The following GBE1 variants were observed in gnomAD, a reference collection of about 807,000 sequenced individuals.
GBE1 encodes the protein 1,4-alpha-glucan branching enzyme 1, also known as 1,4-alpha-glucan-branching enzyme.
In GBE1, 70 loss-of-function variants were observed where a neutral mutation model predicts 88.8. The observed-to-expected ratio is 0.79, with a 90% CI of 0.65 to 0.96. The LOEUF is 0.96. GBE1 is among the 40% of genes least tolerant of loss of function. The probability of loss-of-function intolerance (pLI) is 0.00; values close to 1 mark genes in which losing one functional copy is unlikely to be tolerated. For synonymous variants in GBE1, 284 were observed against 300.1 expected (o/e 0.95, Z 0.56); for missense variants, 872 against 871.0 (o/e 1.00, Z -0.01).
At chr3:81,592,338 T>C (rs1262492347) in intron 8 of GBE1, among the ~76,000 whole-genome samples, 1 of 152,156 alleles carries the variant, frequency 6.6e-6, no homozygotes, top group Admixed American at 6.6e-5. Flanking sequence ...CTAGCAAATG[T>C]TTGAGTCACA....
chr3:81,740,703 T>A (rs1273233620), intron 1 of GBE1, among the ~76,000 whole-genome samples: 6 of 151,838 alleles, frequency 4.0e-5, no homozygotes, highest in Non-Finnish European at 7.4e-5. Context: ...GATCACCTGT[T>A]TAGTGGCTGA....
At chr3:81,613,467 G>A (rs1704208656) in intron 7 of GBE1, among the ~76,000 whole-genome samples, 1 of 151,918 alleles carries the variant, frequency 6.6e-6, no homozygotes, top group Non-Finnish European at 1.5e-5. Flanking sequence ...TGGGATCAGA[G>A]AGCACACTGT....
chr3:81,507,672 GTGTGTATATATATA>G (rs1449810538), intron 14 of GBE1, among the ~76,000 whole-genome samples: 2 of 146,332 alleles, frequency 1.4e-5, no homozygotes, highest in African/African-American at 2.5e-5. Flanking sequence ...ATATATGTGT[GTGTGTATATATATA>G]TGTGTATATA....
At chr3:81,526,614 T>C (rs1348858713) in intron 14 of GBE1, among the ~76,000 whole-genome samples, 5 of 152,010 alleles carry the variant, frequency 3.3e-5, no homozygotes, top group Non-Finnish European at 7.4e-5. Context: ...TGAACTCCCA[T>C]TCACAATTGC....
At chr3:81,692,414 G>A (rs1705534298) in intron 2 of GBE1, among the ~76,000 whole-genome samples, 1 of 152,012 alleles carries the variant, frequency 6.6e-6, no homozygotes, top group Non-Finnish European at 1.5e-5. Context: ...AATGTCCATT[G>A]GGCAGTATTA....
chr3:81,632,458 G>T (rs1458636748), intron 7 of GBE1, among the ~76,000 whole-genome samples: 2 of 152,126 alleles, frequency 1.3e-5, no homozygotes, highest in Non-Finnish European at 2.9e-5. Flanking sequence ...TGAAAAAAAA[G>T]CTCATCATCA....
intron 1 of GBE1, among the ~76,000 whole-genome samples, chr3:81,751,451 T>C (rs1280320850): frequency 6.6e-6 from 1 of 152,182 alleles, no homozygotes; most frequent in East Asian, 1.9e-4. Flanking sequence ...AGGATGACCA[T>C]GGGACAATTC....
chr3:81,746,389 A>G (rs1157487956), intron 1 of GBE1, among the ~76,000 whole-genome samples: 1 of 152,086 alleles, frequency 6.6e-6, no homozygotes, highest in African/African-American at 2.4e-5. Flanking sequence ...CAGCCTCCCA[A>G]GTAGCTAGGA....
At chr3:81,584,573 G>T (rs533588718) in intron 10 of GBE1, among the ~76,000 whole-genome samples, 6 of 152,078 alleles carry the variant, frequency 3.9e-5, no homozygotes, top group East Asian at 1.9e-4. Flanking sequence ...TAAAATAGAA[G>T]ATGATAACTG....
chr3:81,757,462 G>C (rs928316449), intron 1 of GBE1, among the ~76,000 whole-genome samples: 2 of 152,072 alleles, frequency 1.3e-5, no homozygotes, highest in African/African-American at 4.8e-5. Context: ...GTGAAGATTT[G>C]AAAAAAGAAC....
At chr3:81,498,287 C>T (rs1010337409) in intron 15 of GBE1, among the ~76,000 whole-genome samples, 15 of 152,080 alleles carry the variant, frequency 9.9e-5, no homozygotes, top group African/African-American at 3.6e-4. Flanking sequence ...CCACAGAGAT[C>T]CTCATGCCTG....
At chr3:81,629,018 G>GTTTTTTTT (rs34707682) in intron 7 of GBE1, among the ~76,000 whole-genome samples, 82 of 97,964 alleles carry the variant, frequency 8.4e-4, no homozygotes, top group African/African-American at 2.8e-3. Flanking sequence ...TTATGTTTAA[G>GTTTTTTTT]TTTTTTTTTT....
At chr3:81,652,667 A>G (rs1704867336) in intron 3 of GBE1, among the ~76,000 whole-genome samples, 1 of 152,186 alleles carries the variant, frequency 6.6e-6, no homozygotes, top group African/African-American at 2.4e-5. Context: ...TTGTTATAGT[A>G]ACTTAGGTTT....
At chr3:81,535,143 TA>T in intron 14 of GBE1, 51 bp downstream of exon 14, 1 of 1,451,946 alleles carries the variant, frequency 6.9e-7, no homozygotes, top group Non-Finnish European at 9.3e-7. Flanking sequence ...TCCTATAATG[TA>T]ATAAAGAAGT....
At chr3:81,727,484 T>C (rs1347786130) in intron 1 of GBE1, among the ~76,000 whole-genome samples, 18 of 152,198 alleles carry the variant, frequency 1.2e-4, no homozygotes, top group Admixed American at 1.0e-3. Flanking sequence ...TGAATTGTTA[T>C]AGATTTTGGA....
intron 2 of GBE1, among the ~76,000 whole-genome samples, chr3:81,703,958 G>A (rs556624305): frequency 1.3e-5 from 2 of 151,892 alleles, no homozygotes; most frequent in Non-Finnish European, 2.9e-5. Context: ...AAGCATCCTT[G>A]GATTTTGGTA....
rs1242099861 is a variant in GBE1 at position 81,643,005 on chromosome 3, C to T, written c.783-15G>A. The stretch of plus-strand genomic sequence containing the variant: ...TTCCATAACGGCTAACAATGAAGAA[C>T]ACAGCAAAAAGAAGATTACATCACA... On this transcript the variant is annotated splice_polypyrimidine_tract_variant and intron_variant, in intron 6 of 15. Transcript: ENST00000429644. 1 of 1,561,124 alleles carries T rather than the reference C, an allele frequency of 6.4e-7. No individual in the cohort carries two copies.
chr3:81,713,331 G>T (rs1165963308), intron 1 of GBE1, among the ~76,000 whole-genome samples: 1 of 152,202 alleles, frequency 6.6e-6, no homozygotes, highest in African/African-American at 2.4e-5. Context: ...GTAAAAATTG[G>T]ATGCTTCTTG....
intron 7 of GBE1, among the ~76,000 whole-genome samples, chr3:81,629,343 A>G (rs868155783): frequency 3.2e-4 from 48 of 151,326 alleles, no homozygotes; most frequent in African/African-American, 1.1e-3. Flanking sequence ...CCATGTCCCT[A>G]CAAAGGACAT....
Sources: gnomAD v4.1 joint callset for allele counts (sites outside exome capture counted in the v4.1 genomes callset) on GRCh38, gnomAD v4.1.1 for gene constraint, MANE v1.5 for transcripts, NCBI Gene and HGNC (gene_info 2026-07-23, HGNC 2026-07-21) for gene names.